Variants in LRIG2 observed in about 807,000 individuals in gnomAD.
LRIG2 encodes leucine-rich repeats and immunoglobulin-like domains protein 2.
Under a neutral mutation model 107.8 loss-of-function variants are expected in LRIG2, and 93 were observed. The ratio of observed to expected loss-of-function variants is 0.86; its 90% CI spans 0.73 to 1.03. LRIG2 has a LOEUF of 1.03. Among genes scored for constraint, LRIG2 ranks in the 50% least tolerant of loss-of-function variants. The pLI, the probability that LRIG2 is intolerant of heterozygous loss-of-function variation, is 0.00. For synonymous variants in LRIG2, 471 were observed against 470.6 expected (o/e 1.00, Z -0.01); for missense variants, 1,226 against 1,296.0 (o/e 0.95, Z 0.83).
chr1:113,123,792 C>T, intron 17 of LRIG2, 83 bp from the exon 18 acceptor site: 1 of 870,292 alleles, frequency 1.1e-6, no homozygotes, highest in African/African-American at 1.7e-5. Context: ...GAATATTGAA[C>T]ATCTTTATTT....
intron 8 of LRIG2, among the ~76,000 whole-genome samples, 159 bp from the exon 9 acceptor site, chr1:113,098,546 A>G (rs1489535996): frequency 1.3e-5 from 2 of 152,144 alleles, no homozygotes; most frequent in Admixed American, 6.5e-5. Flanking sequence ...TATTACAGAT[A>G]TTTCTTAAGA....
chr1:113,112,348 G>A, intron 13 of LRIG2, 131 bp from the exon 14 acceptor site: 1 of 788,290 alleles, frequency 1.3e-6, no homozygotes, highest in Non-Finnish European at 2.0e-6. Flanking sequence ...CTCAATCAGA[G>A]AGCCTGTCTT....
chr1:113,081,645 C>T (rs201699942), intron 1 of LRIG2, among the ~76,000 whole-genome samples: 1 of 151,920 alleles, frequency 6.6e-6, no homozygotes, highest in Non-Finnish European at 1.5e-5. Context: ...CTCAGCCTCC[C>T]GAGTAGCTGG....
chr1:113,090,643 C>G (rs2101030792), intron 1 of LRIG2, among the ~76,000 whole-genome samples: 1 of 151,518 alleles, frequency 6.6e-6, no homozygotes, highest in South Asian at 2.1e-4. Context: ...CGAGACCATC[C>G]TGGCTAACAT....
chr1:113,075,172 A>T (rs1050615755), intron 1 of LRIG2, among the ~76,000 whole-genome samples: 1 of 151,912 alleles, frequency 6.6e-6, no homozygotes, highest in Non-Finnish European at 1.5e-5. Context: ...AGATCGTGCC[A>T]TTGCACTCCA....
intron 1 of LRIG2, among the ~76,000 whole-genome samples, chr1:113,086,787 G>A (rs1653575302): frequency 6.6e-6 from 1 of 152,198 alleles, no homozygotes. Flanking sequence ...ATTAGCATGA[G>A]TGGGAACTGA....
At chr1:113,110,027 C>T (rs1015372341) in intron 12 of LRIG2, among the ~76,000 whole-genome samples, 3 of 152,198 alleles carry the variant, frequency 2.0e-5, no homozygotes, top group Non-Finnish European at 4.4e-5. Context: ...GGCTCTGCCA[C>T]TGACTGACAT....
At chr1:113,086,790 G>A (rs532043212) in intron 1 of LRIG2, among the ~76,000 whole-genome samples, 1 of 152,248 alleles carries the variant, frequency 6.6e-6, no homozygotes, top group South Asian at 2.1e-4. Context: ...AGCATGAGTG[G>A]GAACTGAGTT....
At chr1:113,120,896 G>T (rs1655224343) in intron 17 of LRIG2, among the ~76,000 whole-genome samples, 1 of 145,692 alleles carries the variant, frequency 6.9e-6, no homozygotes, top group Non-Finnish European at 1.5e-5. Flanking sequence ...TCAACTCACT[G>T]CAACCTCTGC....
chr1:113,110,153 AAC>A, intron 12 of LRIG2, 87 bp from the exon 13 acceptor site: 1 of 919,840 alleles, frequency 1.1e-6, no homozygotes, highest in South Asian at 1.7e-5. Context: ...TTGTAAACAG[AAC>A]ACACAATTTT....
In LRIG2 at chr1:113,107,621, TG is replaced by T. The variant is rs1211706274; in HGVS notation, c.1342del (p.Asp448ThrfsTer4). 1.2e-6 allele frequency: 2 copies of T among 1,612,612 alleles called. No homozygotes were observed. The highest frequency in any genetic ancestry group is 2.2e-5 in the East Asian group (1 of 44,844). On this transcript the variant is annotated frameshift_variant, in exon 12 of 18. Transcript: ENST00000361127. LOFTEE classifies it high-confidence loss of function. ...LILNTSSLLC[D>X]CHLKWLLQWL... The stretch of plus-strand genomic sequence containing the variant: ...TTCTGAACACAAGCAGTTTGCTCTG[TG>T]ACTGCCATTTGAAGTGGCTACTTCA...
intron 1 of LRIG2, among the ~76,000 whole-genome samples, chr1:113,082,222 A>G (rs1653321490): frequency 6.6e-6 from 1 of 152,218 alleles, no homozygotes; most frequent in African/African-American, 2.4e-5. Flanking sequence ...GTAAACAGCA[A>G]ATGTGAGCCT....
In LRIG2 at chr1:113,119,235, G is replaced by A; in HGVS notation, c.2683G>A (p.Gly895Ser). The change falls in exon 17 of 18, where the codon GGC (glycine) becomes AGC (serine). Residue 895 changes from glycine (G) to serine (S), a missense_variant and splice_region_variant. Transcript: ENST00000361127. ...TAGATTCTTTTTCTTGTTATTAGGT[G>A]GCACTGGTACCCGGGTGATTTGCTC... ...NGYIHKGTDGGTGTRVICSDC... is the reference protein window; with the variant it reads ...NGYIHKGTDGSTGTRVICSDC... 6.2e-7 allele frequency: 1 copy of A among 1,604,396 alleles called. No individual in the cohort carries two copies. Among genetic ancestry groups the A allele is most frequent in the Non-Finnish European group, 8.5e-7 (1 of 1,172,376 alleles).
intron 7 of LRIG2, 63 bp from the exon 8 acceptor site, chr1:113,096,159 A>G: frequency 6.3e-7 from 1 of 1,588,316 alleles, no homozygotes; most frequent in Non-Finnish European, 8.6e-7. Context: ...TGTAGATATA[A>G]TAAGAATTGT....
intron 1 of LRIG2, among the ~76,000 whole-genome samples, chr1:113,079,983 C>G (rs1251900502): frequency 5.4e-5 from 8 of 147,810 alleles, no homozygotes; most frequent in African/African-American, 2.0e-4. Context: ...CTGCCTCAGT[C>G]TCCCAAAGTG....
intron 11 of LRIG2, chr1:113,100,834 C>T (rs1654277009): frequency 5.7e-6 from 1 of 176,028 alleles, no homozygotes; most frequent in Admixed American, 5.6e-5. Context: ...GTGTGGGTTA[C>T]AATAAAGGTA....
intron 1 of LRIG2, among the ~76,000 whole-genome samples, chr1:113,082,387 T>TA (rs1353162996): frequency 6.6e-6 from 1 of 152,196 alleles, no homozygotes; most frequent in Non-Finnish European, 1.5e-5. Flanking sequence ...CCCTGGTGTA[T>TA]TAGTCTCTTG....
In LRIG2 at chr1:113,093,349, T is replaced by C. The variant is rs980838013; in HGVS notation, c.380+69T>C. 21 of 1,555,412 alleles carry C rather than the reference T, an allele frequency of 1.4e-5. No individual in the cohort carries two copies. In the Admixed American group the frequency reaches 3.2e-4, roughly 24 times the overall value. ...GTATACATTTTTTTTTTAAAGCACA[T>C]ATATTGTTGATTCTAATTAACATTT... On this transcript the variant is annotated intron_variant, in intron 3 of 17. Transcript: ENST00000361127.
intron 11 of LRIG2, among the ~76,000 whole-genome samples, chr1:113,104,459 C>A (rs1174344221): frequency 6.6e-6 from 1 of 152,110 alleles, no homozygotes; most frequent in Non-Finnish European, 1.5e-5. Flanking sequence ...TTGGAGATAT[C>A]CAGACAGCCC....
Sources: gnomAD v4.1 joint callset for allele counts (sites outside exome capture counted in the v4.1 genomes callset) on GRCh38, gnomAD v4.1.1 for gene constraint, MANE v1.5 for transcripts, NCBI Gene and HGNC (gene_info 2026-07-23, HGNC 2026-07-21) for gene names.